The following FUT8 variants were observed in gnomAD, a reference collection of about 807,000 sequenced individuals.
The protein encoded by FUT8 is fucosyltransferase 8, also known as alpha-(1,6)-fucosyltransferase.
A neutral mutation model predicts 71.3 loss-of-function variants in FUT8; 29 were observed. That is an observed-to-expected ratio of 0.41 (90% confidence interval 0.30 to 0.55). The LOEUF is 0.55. Ranked by LOEUF, FUT8 falls within the 20% of genes least tolerant of loss-of-function variation. The probability of loss-of-function intolerance (pLI) is 0.34; values close to 1 mark genes in which losing one functional copy is unlikely to be tolerated. For synonymous variants in FUT8, 254 were observed against 239.3 expected (o/e 1.06, Z -0.57); for missense variants, 544 against 702.1 (o/e 0.77, Z 2.55).
chr14:65,660,532 T>G lies in FUT8; in HGVS notation c.598-8711T>G, dbSNP rs1369402226. Among the ~76,000 whole-genome samples the G allele has an allele frequency of 6.6e-6, 1 of 152,190 alleles. No individual in the cohort carries two copies. Among genetic ancestry groups the G allele is most frequent in the African/African-American group, 2.4e-5 (1 of 41,460 alleles). On this transcript the variant is annotated intron_variant, in intron 6 of 10. Transcript: ENST00000673929. The surrounding 1 kb of genome is among the most constrained non-coding windows in gnomAD (Gnocchi z 4.1). The stretch of plus-strand genomic sequence containing the variant: ...TGGTATCTTTCCTCCCTTTAGTTTC[T>G]ACTCTTAGATTTTACAGAATACCCA...
Position 65,425,152 on chromosome 14 carries a change from GA to G in FUT8, c.-326+11946del, listed in dbSNP as rs199838291. Among the ~76,000 whole-genome samples the G allele has an allele frequency of 5.8e-3, 872 of 149,344 alleles. 34 individuals are homozygous for G. In the East Asian group the frequency reaches 0.093, roughly 16 times the overall value. ...AAGAGTTTAAAGCTAAAAACAATTAGAAAAAAAATGGAGTTTCTTTTTTTTT... is the reference window on the plus strand; with the variant it reads ...AAGAGTTTAAAGCTAAAAACAATTAGAAAAAAATGGAGTTTCTTTTTTTTT... On this transcript the variant is annotated intron_variant, in intron 1 of 10. Coordinates refer to ENST00000673929, the MANE Select transcript of FUT8 (RefSeq NM_001371533.1).
At chr14:65,412,041 C>A, upstream of FUT8, 1 of 456,760 alleles carries the variant, frequency 2.2e-6, no homozygotes, top group Non-Finnish European at 4.4e-6. Context: ...CCGTGCTGTT[C>A]TCTTTCCCGT....
chr14:65,361,117 G>A, the FUT8 span, among the ~76,000 whole-genome samples: 2 of 152,102 alleles, frequency 1.3e-5, no homozygotes, highest in Non-Finnish European at 2.9e-5. Context: ...CAGCACTTTG[G>A]GAGGCCGAGG....
At chr14:65,608,157 T>G (rs1342121760) in intron 3 of FUT8, among the ~76,000 whole-genome samples, 1 of 151,864 alleles carries the variant, frequency 6.6e-6, no homozygotes, top group African/African-American at 2.4e-5. Flanking sequence ...TTGAGTTCAT[T>G]TTGTAGTTTA....
At chr14:65,576,256 A>G (rs1468642026) in intron 3 of FUT8, among the ~76,000 whole-genome samples, 1 of 152,176 alleles carries the variant, frequency 6.6e-6, no homozygotes, top group Non-Finnish European at 1.5e-5. Context: ...TGGTTGGATC[A>G]AAAACAAATT....
intron 2 of FUT8, among the ~76,000 whole-genome samples, chr14:65,544,099 G>T (rs1421092508): frequency 6.6e-6 from 1 of 152,108 alleles, no homozygotes; most frequent in Non-Finnish European, 1.5e-5. Flanking sequence ...TGGAAAAGAA[G>T]TATAATATAA....
intron 2 of FUT8, among the ~76,000 whole-genome samples, chr14:65,500,434 C>T (rs777801517): frequency 2.0e-5 from 3 of 152,088 alleles, no homozygotes; most frequent in Non-Finnish European, 4.4e-5. Flanking sequence ...AGAGCCACCA[C>T]TTTAGTTATC....
intron 2 of FUT8, among the ~76,000 whole-genome samples, chr14:65,456,089 T>G (rs1177479651): frequency 6.6e-6 from 1 of 152,248 alleles, no homozygotes; most frequent in African/African-American, 2.4e-5. Flanking sequence ...AGTAGCTGGC[T>G]TTTAAAGGTA....
At chr14:65,510,339 G>A (rs184215577) in intron 2 of FUT8, among the ~76,000 whole-genome samples, 5 of 151,968 alleles carry the variant, frequency 3.3e-5, no homozygotes, top group African/African-American at 7.2e-5. Context: ...GTAGTATTTC[G>A]TTATGGATTT....
the FUT8 span, among the ~76,000 whole-genome samples, chr14:65,364,968 G>A: frequency 3.3e-5 from 5 of 152,236 alleles, no homozygotes; most frequent in Admixed American, 1.3e-4. Context: ...TGCTTTGGCC[G>A]TGTACAGTAC....
At chr14:65,662,656 ATAAG>A (rs1002046656) in intron 6 of FUT8, among the ~76,000 whole-genome samples, 5 of 152,236 alleles carry the variant, frequency 3.3e-5, no homozygotes, top group African/African-American at 4.8e-5. Flanking sequence ...ATGAGAATAA[ATAAG>A]TATGTTCAAA....
intron 3 of FUT8, among the ~76,000 whole-genome samples, chr14:65,568,714 G>T (rs560752210): frequency 6.6e-6 from 1 of 150,798 alleles, no homozygotes; most frequent in African/African-American, 2.4e-5. Flanking sequence ...TAAGAAATGT[G>T]TATTCTGTTG....
chr14:65,400,153 T>G, the FUT8 span, among the ~76,000 whole-genome samples: 7 of 152,328 alleles, frequency 4.6e-5, no homozygotes, highest in East Asian at 1.3e-3. Flanking sequence ...GCATAAACTA[T>G]TTTTCTTTTT....
At chr14:65,577,240 G>C (rs1424098963) in intron 3 of FUT8, among the ~76,000 whole-genome samples, 1 of 152,092 alleles carries the variant, frequency 6.6e-6, no homozygotes, top group Non-Finnish European at 1.5e-5. Context: ...TTGTGTCTCT[G>C]CCTCCTAAGA....
chr14:65,655,819 C>T (rs1891652030), intron 6 of FUT8, among the ~76,000 whole-genome samples: 1 of 152,166 alleles, frequency 6.6e-6, no homozygotes, highest in Non-Finnish European at 1.5e-5. Flanking sequence ...ACAAATCAAT[C>T]ATTGTGATAC....
At chr14:65,612,228 G>A (rs1889038329) in intron 3 of FUT8, among the ~76,000 whole-genome samples, 1 of 151,988 alleles carries the variant, frequency 6.6e-6, no homozygotes, top group African/African-American at 2.4e-5. Flanking sequence ...CTTAAATTTT[G>A]TTCTGGGATG....
intron 2 of FUT8, chr14:65,516,431 T>C (rs1304019841): frequency 6.6e-6 from 1 of 152,196 alleles, no homozygotes; most frequent in Non-Finnish European, 1.5e-5. Context: ...GATATGTTGA[T>C]TATAGCCATC....
rs60092488 is a variant in FUT8 at position 65,699,145 on chromosome 14, TACACACACACACACACACAC to T, written c.836-22595_836-22576del. Among the ~76,000 whole-genome samples the T allele has an allele frequency of 7.9e-3, 1,040 of 132,132 alleles. 12 individuals carry two copies. The highest frequency in any genetic ancestry group is 0.022 in the African/African-American group (735 of 33,870). 86.7% of individuals were successfully genotyped at this position (132,132 alleles called of 152,430 possible). A position where few individuals can be genotyped will look rare whatever the true frequency, so the allele number is the denominator to read the frequency against. ...TGTCATGTAAACACTCCCTCCCTTC[TACACACACACACACACACAC>T]ACACACACACACACACACACACACA... On this transcript the variant is annotated intron_variant, in intron 7 of 10. Transcript: ENST00000673929.
At chr14:65,562,548 T>A (rs1313963447) in intron 3 of FUT8, among the ~76,000 whole-genome samples, 5 of 152,110 alleles carry the variant, frequency 3.3e-5, no homozygotes, top group Non-Finnish European at 7.4e-5. Flanking sequence ...GATCTCTGTA[T>A]TTTTTTCCAA....
Sources: gnomAD v4.1 joint callset for allele counts (sites outside exome capture counted in the v4.1 genomes callset) on GRCh38, gnomAD v4.1.1 for gene constraint, Gnocchi (gnomAD v3.1) non-coding constraint, MANE v1.5 for transcripts, NCBI Gene and HGNC (gene_info 2026-07-23, HGNC 2026-07-21) for gene names.